RPL34: variants seen among roughly 807,000 people sequenced by gnomAD.
RPL34 encodes the protein large ribosomal subunit protein eL34.
In RPL34, 2 loss-of-function variants were observed where a neutral mutation model predicts 16.3. The ratio of observed to expected loss-of-function variants is 0.12; its 90% CI spans 0.05 to 0.39. The LOEUF is 0.39. Ranked by LOEUF, RPL34 falls within the 10% of genes least tolerant of loss-of-function variation. The pLI, the probability that RPL34 is intolerant of heterozygous loss-of-function variation, is 0.99. For synonymous variants in RPL34, 47 were observed against 48.5 expected, an observed-to-expected ratio of 0.97 and a Z score of 0.13; for missense variants, 82 against 148.8, an observed-to-expected ratio of 0.55 and a Z score of 2.33.
chr4:108,622,106 T>G lies in RPL34; in HGVS notation c.67T>G (p.Ser23Ala). ...CCTACTGACTGTTTCACTTTCTAGG[T>G]CCCGAACCCCTGGTAATAGAATTGT... is the stretch of plus-strand genomic sequence containing the variant. Reference protein sequence around the residue: ...YNTASNKTRLSRTPGNRIVYL... With the variant: ...YNTASNKTRLARTPGNRIVYL... Residue 23 changes from serine (S) to alanine (A), a missense_variant and splice_region_variant, in exon 3 of 5, where the codon TCC (serine) becomes GCC (alanine). Transcript: ENST00000394667. 1 of 1,612,740 alleles carries G rather than the reference T, an allele frequency of 6.2e-7. No individual in the cohort carries two copies. The highest frequency in any genetic ancestry group is 8.5e-7 in the Non-Finnish European group (1 of 1,178,738).
chr4:108,627,195 C>A (rs571760201), downstream of RPL34, among the ~76,000 whole-genome samples: 1 of 151,882 alleles, frequency 6.6e-6, no homozygotes, highest in South Asian at 2.1e-4. Flanking sequence ...GCCAAGATCG[C>A]GCCACTGTAC....
intron 1 of RPL34, chr4:108,621,358 C>T (rs1725764372): frequency 6.5e-6 from 1 of 153,316 alleles, no homozygotes; most frequent in Non-Finnish European, 1.5e-5. Flanking sequence ...GGTGCCATAA[C>T]CCAAAGAAAC....
At chr4:108,623,425 T>TGATA (rs1317609535) in intron 4 of RPL34, 1 of 152,194 alleles carries the variant, frequency 6.6e-6, no homozygotes, top group African/African-American at 2.4e-5. Flanking sequence ...ATTGATTGAT[T>TGATA]TTGAGATGGA....
At chr4:108,630,223 C>T (rs1726129831), downstream of RPL34, 1 of 152,080 alleles carries the variant, frequency 6.6e-6, no homozygotes, top group South Asian at 2.1e-4. Context: ...ACCAGCACAT[C>T]CCTAGATACT....
At chr4:108,628,385 A>C (rs1278604476), downstream of RPL34, among the ~76,000 whole-genome samples, 2 of 152,176 alleles carry the variant, frequency 1.3e-5, no homozygotes, top group Admixed American at 6.5e-5. Flanking sequence ...ACCATCTAAA[A>C]ATTGGCACTT....
chr4:108,629,606 C>T (rs1023338618), downstream of RPL34, among the ~76,000 whole-genome samples: 7 of 152,250 alleles, frequency 4.6e-5, no homozygotes, highest in South Asian at 1.0e-3. Context: ...ATGTGTGTGA[C>T]AAAGTATTCT....
At chr4:108,627,495 T>A (rs575959346), downstream of RPL34, among the ~76,000 whole-genome samples, 16 of 152,294 alleles carry the variant, frequency 1.1e-4, no homozygotes, top group African/African-American at 2.9e-4. Context: ...GTATAAAAAA[T>A]TTTTAATTAG....
At chr4:108,624,488 A>G (rs1342216638) in intron 4 of RPL34, among the ~76,000 whole-genome samples, 1 of 152,198 alleles carries the variant, frequency 6.6e-6, no homozygotes. Context: ...CCTGTGCAAC[A>G]CTGTAATGAT....
chr4:108,623,622 G>A (rs1034211014), intron 4 of RPL34, among the ~76,000 whole-genome samples: 2 of 152,060 alleles, frequency 1.3e-5, no homozygotes, highest in Non-Finnish European at 2.9e-5. Flanking sequence ...TGTTAGCCAG[G>A]ATGGTCTCTA....
downstream of RPL34, among the ~76,000 whole-genome samples, chr4:108,627,454 C>CTGTA (rs1726052182): frequency 6.6e-6 from 1 of 152,178 alleles, no homozygotes; most frequent in Admixed American, 6.5e-5. Context: ...AACACCTTTA[C>CTGTA]TGTACCCCAC....
rs995741390 is a variant in RPL34, at chr4:108,623,695, C to T, written c.269+1077C>T. 9.9e-5 allele frequency among the ~76,000 whole-genome samples: 15 copies of T among 152,264 alleles called. No individual in the cohort carries two copies. In the East Asian group the frequency reaches 2.3e-3, roughly 24 times the overall value. On this transcript the variant is annotated intron_variant, in intron 4 of 4. Coordinates refer to ENST00000394667, the MANE Select transcript of RPL34 (RefSeq NM_001319236.2). Reference sequence around the variant, plus strand: ...TGCTGGGAATACAGGTATAAGCCACCGCACCCAGTCCTAGCTGAGTTTTTA... The same window carrying T: ...TGCTGGGAATACAGGTATAAGCCACTGCACCCAGTCCTAGCTGAGTTTTTA...
At position 108,625,288 on chromosome 4, in the gene RPL34, G is replaced by A; in HGVS notation, c.*76G>A. 2.7e-5 allele frequency: 21 copies of A among 791,630 alleles called. No homozygotes were observed. The South Asian group carries it at 3.5e-4, about 13-fold the overall frequency. 49.0% of individuals were successfully genotyped at this position (791,630 alleles called of 1,614,324 possible). ...ACTTTTTTTTTTTCTGTTGTAATGT[G>A]TTAGTATACAGATTTTGTTTCTGTA... On this transcript the variant is annotated 3_prime_UTR_variant, in exon 5 of 5. Coordinates refer to ENST00000394667, the MANE Select transcript of RPL34 (RefSeq NM_001319236.2).
intron 4 of RPL34, among the ~76,000 whole-genome samples, 190 bp from the exon 5 acceptor site, chr4:108,624,938 T>A (rs1227192123): frequency 6.6e-6 from 1 of 152,204 alleles, no homozygotes; most frequent in African/African-American, 2.4e-5. Flanking sequence ...ACTACTGGCA[T>A]GAAATTGAAG....
downstream of RPL34, among the ~76,000 whole-genome samples, chr4:108,626,357 T>C (rs1232892004): frequency 6.6e-6 from 1 of 151,794 alleles, no homozygotes; most frequent in African/African-American, 2.4e-5. Flanking sequence ...TCAAAACTCC[T>C]GGGCTCAAGC....
Position 108,622,200 on chromosome 4 carries a change from G to A in RPL34, c.161G>A (p.Arg54Gln), listed in dbSNP as rs201684969. Residue 54 changes from arginine (R) to glutamine (Q), a missense_variant, in exon 3 of 5, where the codon CGA (arginine) becomes CAA (glutamine). By Grantham distance (43) the Arg-to-Gln change is conservative (BLOSUM62 1). Transcript: ENST00000394667. ...SACGVCPGRL[R>Q]GVRAVRPKVL... The stretch of plus-strand genomic sequence containing the variant: ...TGTGGTGTGTGCCCAGGCAGACTTC[G>A]AGGGGTAAGTGTACCTTTTACTGTG... 2.6e-5 allele frequency: 42 copies of A among 1,604,630 alleles called. No homozygotes were observed. In the Admixed American group the frequency reaches 6.0e-4, roughly 23 times the overall value.
Position 108,625,307 on chromosome 4 carries a change from TTCTG to T in RPL34, c.*97_*100del, listed in dbSNP as rs1273155153. ...TAATGTGTTAGTATACAGATTTTGTTTCTGTATGGTATTTGGGGACCCTATAGTT... is the reference window on the plus strand; with the variant it reads ...TAATGTGTTAGTATACAGATTTTGTTTATGGTATTTGGGGACCCTATAGTT... On this transcript the variant is annotated 3_prime_UTR_variant, in exon 5 of 5. Transcript: ENST00000394667. The T allele has an allele frequency of 3.8e-5, 26 of 687,218 alleles. No homozygotes were observed. Among genetic ancestry groups the T allele is most frequent in the Middle Eastern group, 2.6e-4 (1 of 3,886 alleles). The allele number at this position is 687,218 out of a possible 1,614,324, so 42.6% of individuals were successfully genotyped here.
In RPL34 at chr4:108,622,567, A is replaced by G. The variant is rs987941569; in HGVS notation, c.218A>G (p.His73Arg). Residue 73 changes from histidine to arginine, a missense_variant, in exon 4 of 5, where the codon CAT becomes CGT. Transcript: ENST00000394667. ...ATGAGATTGTCCAAAACAAAGAAAC[A>G]TGTCAGCAGGGCCTATGGTGGTTCC... ...VLMRLSKTKKHVSRAYGGSMC... is the reference protein window; with the variant it reads ...VLMRLSKTKKRVSRAYGGSMC... 3.7e-6 allele frequency: 6 copies of G among 1,610,542 alleles called. No homozygotes were observed. The highest frequency in any genetic ancestry group is 1.7e-4 in the Middle Eastern group (1 of 6,058).
downstream of RPL34, among the ~76,000 whole-genome samples, chr4:108,629,473 AAG>A (rs1478133597): frequency 2.0e-5 from 3 of 152,230 alleles, no homozygotes; most frequent in Non-Finnish European, 4.4e-5. Flanking sequence ...TTAGAAGACA[AAG>A]AGCATTGACG....
At chr4:108,626,850 T>G (rs1436060600), downstream of RPL34, among the ~76,000 whole-genome samples, 6 of 152,096 alleles carry the variant, frequency 3.9e-5, no homozygotes, top group Non-Finnish European at 8.8e-5. Flanking sequence ...TTCAGTAAAT[T>G]TTGACTATTT....
Sources: gnomAD v4.1 joint callset for allele counts (sites outside exome capture counted in the v4.1 genomes callset) on GRCh38, gnomAD v4.1.1 for gene constraint, MANE v1.5 for transcripts, NCBI Gene and HGNC (gene_info 2026-07-23, HGNC 2026-07-21) for gene names.